Variants in EDA observed in about 807,000 individuals in gnomAD.
The protein encoded by EDA is ectodysplasin A.
EDA carries 2 observed loss-of-function variants against 23.6 expected under a neutral mutation model. The ratio of observed to expected loss-of-function variants is 0.08; its 90% CI spans 0.03 to 0.27. The LOEUF (loss-of-function observed/expected upper bound fraction) is 0.27, where lower values mean the gene tolerates loss of function less well. EDA is among the 10% of genes least tolerant of loss of function. EDA has a pLI of 1.00. For missense variants in EDA, 229 were observed against 324.2 expected, an observed-to-expected ratio of 0.71 and a Z score of 2.26; for synonymous variants, 131 against 132.0, an observed-to-expected ratio of 0.99 and a Z score of 0.05.
At chrX:69,737,436 G>T (rs2013302396) in intron 1 of EDA, among the ~76,000 whole-genome samples, 1 of 111,653 alleles carries the variant, frequency 9.0e-6, no homozygotes, top group Non-Finnish European at 1.9e-5. Context: ...TGTGCTTATT[G>T]TATCCTACCT....
chrX:69,964,178 T>C (rs1457817925), intron 2 of EDA, among the ~76,000 whole-genome samples: 2 of 111,659 alleles, frequency 1.8e-5, no homozygotes, highest in African/African-American at 6.5e-5. Flanking sequence ...GTAGTTATAG[T>C]AGCAGGATGA....
chrX:69,968,325 T>C (rs1285341230), intron 2 of EDA, among the ~76,000 whole-genome samples: 4 of 111,856 alleles, frequency 3.6e-5, no homozygotes, highest in Non-Finnish European at 7.5e-5. Flanking sequence ...GTGACAATTA[T>C]GTTTTGGAAG....
chrX:69,769,366 A>G (rs2804315), intron 1 of EDA, among the ~76,000 whole-genome samples: 36,726 of 110,434 alleles, frequency 0.33, 5,088 homozygotes, highest in Middle Eastern at 0.56. Context: ...GTGGTATATC[A>G]TTTTTCATTC....
chrX:69,922,053 A>G (rs908624346), intron 1 of EDA, among the ~76,000 whole-genome samples: 14 of 111,890 alleles, frequency 1.3e-4, no homozygotes, highest in Non-Finnish European at 5.6e-5. Flanking sequence ...TAGGATAGTG[A>G]AGTGTATAGA....
At chrX:69,670,183 GT>G (rs544601085) in intron 1 of EDA, 9,560 of 225,474 alleles carry the variant, frequency 0.042, 103 homozygotes, top group African/African-American at 0.13. Context: ...TTGGCTGACT[GT>G]TTTTTTTTTT....
At chrX:69,705,150 G>A (rs753190430) in intron 1 of EDA, among the ~76,000 whole-genome samples, 54 of 106,380 alleles carry the variant, frequency 5.1e-4, no homozygotes, top group Admixed American at 5.0e-3. Flanking sequence ...TTGAACCTGG[G>A]AGGCGGAGGT....
chrX:69,753,888 G>A (rs2013996353), intron 1 of EDA, among the ~76,000 whole-genome samples: 1 of 64,833 alleles, frequency 1.5e-5, no homozygotes, highest in Non-Finnish European at 2.8e-5. Context: ...CAGAGACTAG[G>A]ATTGCAATCC....
At chrX:69,887,242 G>A (rs1261526434) in intron 1 of EDA, among the ~76,000 whole-genome samples, 1 of 111,655 alleles carries the variant, frequency 9.0e-6, no homozygotes, top group Non-Finnish European at 1.9e-5. Flanking sequence ...CCAGGAGGTA[G>A]GCTGCAGTAA....
At chrX:69,732,920 A>G (rs1255091350) in intron 1 of EDA, among the ~76,000 whole-genome samples, 2 of 110,910 alleles carry the variant, frequency 1.8e-5, no homozygotes, top group Non-Finnish European at 3.8e-5. Context: ...GTCTGTTCAT[A>G]TCCTTTGCCC....
At chrX:69,833,809 T>TTA (rs926697934) in intron 1 of EDA, among the ~76,000 whole-genome samples, 5 of 110,794 alleles carry the variant, frequency 4.5e-5, no homozygotes, top group Admixed American at 1.9e-4. Context: ...ATTTCTTTCT[T>TTA]TATATATATA....
At chrX:69,714,064 T>C (rs2012209007) in intron 1 of EDA, among the ~76,000 whole-genome samples, 2 of 111,207 alleles carry the variant, frequency 1.8e-5, no homozygotes, top group African/African-American at 6.5e-5. Context: ...TTCTCCACAT[T>C]CTTGCCAGCA....
At chrX:69,649,734 G>A (rs1432096947) in intron 1 of EDA, among the ~76,000 whole-genome samples, 2 of 110,345 alleles carry the variant, frequency 1.8e-5, no homozygotes, top group East Asian at 5.8e-4. Context: ...TTGCAGGCAT[G>A]CCCCACCAAG....
intron 1 of EDA, among the ~76,000 whole-genome samples, chrX:69,796,683 C>G (rs1360901875): frequency 8.9e-6 from 1 of 111,799 alleles, no homozygotes; most frequent in Non-Finnish European, 1.9e-5. Flanking sequence ...GGGATGATGA[C>G]ATCTCCAAAG....
intron 1 of EDA, among the ~76,000 whole-genome samples, chrX:69,785,960 G>T (rs749926852): frequency 9.0e-6 from 1 of 110,699 alleles, no homozygotes; most frequent in African/African-American, 3.3e-5. Flanking sequence ...GATTATTGCC[G>T]CAATTTCAGC....
chrX:69,877,029 C>A (rs1371320609), intron 1 of EDA, among the ~76,000 whole-genome samples: 1 of 112,294 alleles, frequency 8.9e-6, no homozygotes, highest in South Asian at 3.7e-4. Context: ...GCAAAATGAC[C>A]ATACCACTAG....
intron 1 of EDA, among the ~76,000 whole-genome samples, chrX:69,696,604 T>C (rs1304370235): frequency 8.9e-6 from 1 of 112,053 alleles, no homozygotes; most frequent in East Asian, 2.8e-4. Flanking sequence ...AACGGTTGTT[T>C]TCCTTTTATT....
At chrX:69,686,890 G>A (rs1188300842) in intron 1 of EDA, among the ~76,000 whole-genome samples, 1 of 111,616 alleles carries the variant, frequency 9.0e-6, no homozygotes, top group Non-Finnish European at 1.9e-5. Flanking sequence ...CAATATTTGT[G>A]TACATGTTTT....
chrX:69,621,014 G>A, intron 1 of EDA: 1 of 324,519 alleles, frequency 3.1e-6, no homozygotes, highest in South Asian at 3.1e-5. Flanking sequence ...AAATGGAGAA[G>A]AGCCTTAACC....
intron 1 of EDA, among the ~76,000 whole-genome samples, chrX:69,681,895 G>A (rs185364901): frequency 0.016 from 1,776 of 110,946 alleles, 30 homozygotes; most frequent in African/African-American, 0.056. Flanking sequence ...GAGGAGAGGC[G>A]CTGTGCTTTT....
Sources: allele counts gnomAD v4.1 joint callset (sites outside exome capture counted in the v4.1 genomes callset), GRCh38; gene constraint gnomAD v4.1.1; transcripts MANE v1.5; gene names NCBI Gene and HGNC (gene_info 2026-07-23, HGNC 2026-07-21).